SSPN: variants seen among roughly 807,000 people sequenced by gnomAD.
The protein encoded by SSPN is sarcospan, also known as K-ras oncogene-associated protein.
In SSPN, 15 loss-of-function variants were observed where a neutral mutation model predicts 19.1. The ratio of observed to expected loss-of-function variants is 0.78; its 90% CI spans 0.52 to 1.21. The LOEUF is 1.21. Among genes scored for constraint, SSPN ranks in the 50% most tolerant of loss-of-function variants. SSPN has a pLI of 0.00. For missense variants in SSPN, 291 were observed against 314.0 expected (o/e 0.93, Z 0.55); for synonymous variants, 147 against 140.3 (o/e 1.05, Z -0.34).
chr12:26,201,805 T>G (rs1161621812), intron 1 of SSPN, among the ~76,000 whole-genome samples: 2 of 152,212 alleles, frequency 1.3e-5, no homozygotes, highest in Non-Finnish European at 2.9e-5. Context: ...TTCTCTTACT[T>G]TAAGTAATAT....
rs73292967 is a variant in SSPN at position 26,187,531 on chromosome 12, G to A, written c.-30-36762G>A. On this transcript the variant is annotated intron_variant, in intron 1 of 2. Transcript: ENST00000538142. ...GTGTGAATTTCCTACTTATTTTGAT[G>A]TAACCGTCACGAGGTGCACGGCAAA... Among the ~76,000 whole-genome samples the A allele has an allele frequency of 4.0e-3, 603 of 152,306 alleles. 5 individuals carry two copies. The highest frequency in any genetic ancestry group is 0.014 in the African/African-American group (576 of 41,558).
At chr12:26,172,713 C>T (rs181752592) in intron 1 of SSPN, among the ~76,000 whole-genome samples, 706 of 152,166 alleles carry the variant, frequency 4.6e-3, no homozygotes, top group South Asian at 0.021. Context: ...TTCAGAATAT[C>T]CTCAAAAACA....
In SSPN at chr12:26,224,380, G is replaced by C. The variant is rs1264725794; in HGVS notation, c.366+1G>C. 1.9e-6 allele frequency: 3 copies of C among 1,608,080 alleles called. No individual in the cohort carries two copies. The South Asian group carries it at 3.3e-5, about 18-fold the overall frequency. Reference sequence around the variant, plus strand: ...GACATGTATTCAATTTTCTATGAAAGTAAGTTGTGATTGTTCTTTCTCTTT... The same window carrying C: ...GACATGTATTCAATTTTCTATGAAACTAAGTTGTGATTGTTCTTTCTCTTT... On this transcript the variant is annotated splice_donor_variant, in intron 2 of 2. Transcript: ENST00000242729. LOFTEE classifies it high-confidence loss of function.
At chr12:26,169,371 A>G (rs2137431467) in intron 1 of SSPN, among the ~76,000 whole-genome samples, 2 of 151,976 alleles carry the variant, frequency 1.3e-5, no homozygotes, top group Middle Eastern at 6.8e-3. Flanking sequence ...TATTTTCTTT[A>G]TTTTTCCAGA....
At chr12:26,168,596 A>T (rs1481333805) in intron 1 of SSPN, among the ~76,000 whole-genome samples, 1 of 152,248 alleles carries the variant, frequency 6.6e-6, no homozygotes, top group South Asian at 2.1e-4. Flanking sequence ...GTATTTATTG[A>T]GCACCAACAA....
At chr12:26,161,107 C>CA (rs35876807) in intron 1 of SSPN, among the ~76,000 whole-genome samples, 11,125 of 97,794 alleles carry the variant, frequency 0.11, 549 homozygotes, top group South Asian at 0.14. Context: ...GACTCTGTCT[C>CA]AAAAAAAAAA....
chr12:26,206,958 A>T (rs900668316), intron 1 of SSPN, among the ~76,000 whole-genome samples: 3 of 152,232 alleles, frequency 2.0e-5, no homozygotes, highest in African/African-American at 7.2e-5. Flanking sequence ...CCAAGAGCTT[A>T]GTCTCTGGGT....
chr12:26,212,132 TG>T (rs1428170611), intron 1 of SSPN, among the ~76,000 whole-genome samples: 11 of 152,212 alleles, frequency 7.2e-5, no homozygotes, highest in African/African-American at 2.7e-4. Flanking sequence ...AAGTTGTAGG[TG>T]AGGAAGCCCT....
chr12:26,203,396 T>C (rs1247093999), intron 1 of SSPN, among the ~76,000 whole-genome samples: 1 of 152,208 alleles, frequency 6.6e-6, no homozygotes, highest in Non-Finnish European at 1.5e-5. Flanking sequence ...CTGTAAATGT[T>C]CAAGTCTAGG....
At chr12:26,124,978 A>G (rs1435260190) in intron 1 of SSPN, 1 of 654,168 alleles carries the variant, frequency 1.5e-6, no homozygotes, top group Admixed American at 2.2e-5. Flanking sequence ...ACGCACACAC[A>G]CGCACACTCG....
chr12:26,185,198 T>C (rs1360998449), intron 1 of SSPN, among the ~76,000 whole-genome samples: 3 of 152,228 alleles, frequency 2.0e-5, no homozygotes, highest in Admixed American at 2.0e-4. Context: ...CTGTATAGCA[T>C]TCTTTCTTTA....
chr12:26,179,818 C>T (rs1944706963), intron 1 of SSPN, among the ~76,000 whole-genome samples: 1 of 151,938 alleles, frequency 6.6e-6, no homozygotes, highest in African/African-American at 2.4e-5. Flanking sequence ...TTCTCTACAA[C>T]CCTCACATAT....
At chr12:26,212,249 C>T (rs567422248) in intron 1 of SSPN, among the ~76,000 whole-genome samples, 116 of 152,194 alleles carry the variant, frequency 7.6e-4, no homozygotes, top group African/African-American at 2.6e-3. Context: ...CAGATGTAGA[C>T]CTGTCAGATA....
chr12:26,181,933 T>A (rs745725828), intron 1 of SSPN, among the ~76,000 whole-genome samples: 74 of 152,242 alleles, frequency 4.9e-4, no homozygotes, highest in Non-Finnish European at 8.8e-4. Context: ...TTTCTCCATG[T>A]ATTTTTGTTA....
At chr12:26,183,744 T>G (rs1223047447) in intron 1 of SSPN, among the ~76,000 whole-genome samples, 1 of 152,222 alleles carries the variant, frequency 6.6e-6, no homozygotes, top group African/African-American at 2.4e-5. Context: ...AAACAGGGAA[T>G]GCCGCAAGTT....
At chr12:26,137,256 G>C (rs919521412) in intron 1 of SSPN, among the ~76,000 whole-genome samples, 1 of 152,154 alleles carries the variant, frequency 6.6e-6, no homozygotes, top group African/African-American at 2.4e-5. Context: ...AAACACTGCG[G>C]CTGCAGAGTC....
chr12:26,136,268 C>T (rs541301496), intron 1 of SSPN, among the ~76,000 whole-genome samples: 15 of 152,218 alleles, frequency 9.9e-5, no homozygotes, highest in South Asian at 8.3e-4. Flanking sequence ...TGGTATCCAC[C>T]GGAGGTCCTG....
chr12:26,123,042 C>A (rs1214267603), intron 1 of SSPN: 1 of 1,577,598 alleles, frequency 6.3e-7, no homozygotes, highest in Non-Finnish European at 8.6e-7. Flanking sequence ...CTGGACACAC[C>A]GCGGCTCCCT....
intron 1 of SSPN, among the ~76,000 whole-genome samples, chr12:26,170,290 T>C (rs1275640883): frequency 4.6e-5 from 7 of 152,228 alleles, no homozygotes; most frequent in South Asian, 4.1e-4. Flanking sequence ...TAAATGAGGA[T>C]TGACTACAAT....
Sources: allele counts gnomAD v4.1 joint callset (sites outside exome capture counted in the v4.1 genomes callset), GRCh38; gene constraint gnomAD v4.1.1; transcripts MANE v1.5; gene names NCBI Gene and HGNC (gene_info 2026-07-23, HGNC 2026-07-21).